TRIO: variants seen among roughly 807,000 people sequenced by gnomAD.
The protein encoded by TRIO is trio Rho guanine nucleotide exchange factor, also known as triple functional domain protein.
TRIO carries 58 observed loss-of-function variants against 351.9 expected under a neutral mutation model. The observed-to-expected ratio is 0.16, with a 90% confidence interval of 0.13 to 0.21. The LOEUF (loss-of-function observed/expected upper bound fraction) is 0.21, where lower values mean the gene tolerates loss of function less well. Ranked by LOEUF, TRIO falls within the 10% of genes least tolerant of loss-of-function variation. TRIO has a pLI of 1.00. For missense variants in TRIO, 3,201 were observed against 4,027.8 expected (o/e 0.79, Z 5.56); for synonymous variants, 1,758 against 1,595.7 (o/e 1.10, Z -2.42).
chr5:14,194,359 T>C (rs1422658629), intron 1 of TRIO, among the ~76,000 whole-genome samples: 5 of 152,242 alleles, frequency 3.3e-5, no homozygotes, highest in Non-Finnish European at 7.3e-5. Flanking sequence ...ATAAGGCTCG[T>C]ATTATGTGAT....
intron 7 of TRIO, among the ~76,000 whole-genome samples, chr5:14,301,360 C>T (rs115039002): frequency 2.6e-5 from 4 of 152,082 alleles, no homozygotes; most frequent in African/African-American, 9.7e-5. Flanking sequence ...TTCATTCTTT[C>T]GCACTCTCCT....
intron 41 of TRIO, 31 bp from the exon 42 acceptor site, chr5:14,479,230 T>C (rs757696378): frequency 1.9e-6 from 3 of 1,576,044 alleles, no homozygotes; most frequent in South Asian, 1.1e-5. Context: ...CCCATTGTTA[T>C]AACCCAACTG....
intron 29 of TRIO, 112 bp from the exon 30 acceptor site, chr5:14,398,768 G>C (rs1430801413): frequency 2.0e-6 from 2 of 1,014,158 alleles, no homozygotes; most frequent in Non-Finnish European, 2.9e-6. Flanking sequence ...CTCTTATCTA[G>C]GGTTGGCCGA....
intron 37 of TRIO, among the ~76,000 whole-genome samples, chr5:14,467,614 G>C (rs944400637): frequency 6.6e-6 from 1 of 152,202 alleles, no homozygotes; most frequent in African/African-American, 2.4e-5. Context: ...CCAGGAGTTC[G>C]AGACCAGCCT....
intron 8 of TRIO, among the ~76,000 whole-genome samples, chr5:14,305,155 C>T (rs908999899): frequency 6.6e-6 from 1 of 152,204 alleles, no homozygotes; most frequent in African/African-American, 2.4e-5. Context: ...CCTGCTGTTC[C>T]TGCTGAAGAA....
chr5:14,234,297 TA>T (rs1166520019), intron 1 of TRIO, among the ~76,000 whole-genome samples: 2 of 152,092 alleles, frequency 1.3e-5, no homozygotes, highest in Non-Finnish European at 2.9e-5. Context: ...GGGCAGTGGA[TA>T]GGGGTGCCGG....
At chr5:14,393,708 G>A (rs957063863) in intron 27 of TRIO, among the ~76,000 whole-genome samples, 1 of 152,134 alleles carries the variant, frequency 6.6e-6, no homozygotes, top group Non-Finnish European at 1.5e-5. Flanking sequence ...AGTTGTAAAG[G>A]AATACAACCT....
intron 34 of TRIO, among the ~76,000 whole-genome samples, chr5:14,445,771 G>T (rs927389983): frequency 6.6e-6 from 1 of 152,212 alleles, no homozygotes; most frequent in Admixed American, 6.5e-5. Flanking sequence ...GTAAGAAGTG[G>T]CCCAAGGGCA....
At chr5:14,384,799 A>T (rs1385094747) in intron 21 of TRIO, among the ~76,000 whole-genome samples, 1 of 152,244 alleles carries the variant, frequency 6.6e-6, no homozygotes, top group Non-Finnish European at 1.5e-5. Flanking sequence ...GTAAAACTTT[A>T]CACAAGACAG....
chr5:14,192,231 C>G (rs1036270953), intron 1 of TRIO, among the ~76,000 whole-genome samples: 1 of 151,864 alleles, frequency 6.6e-6, no homozygotes, highest in Non-Finnish European at 1.5e-5. Context: ...TTTACAAACT[C>G]TTACTTTATT....
intron 28 of TRIO, among the ~76,000 whole-genome samples, chr5:14,394,989 C>A (rs1747436603): frequency 6.6e-6 from 1 of 152,138 alleles, no homozygotes; most frequent in African/African-American, 2.4e-5. Flanking sequence ...GCATTCATCC[C>A]AGTGATGGTA....
intron 1 of TRIO, among the ~76,000 whole-genome samples, chr5:14,187,503 A>G (rs1395476353): frequency 6.6e-6 from 1 of 152,200 alleles, no homozygotes; most frequent in Non-Finnish European, 1.5e-5. Flanking sequence ...ACTCTCAGTC[A>G]GTACCTTTGA....
At chr5:14,254,479 A>G (rs1194258135) in intron 1 of TRIO, among the ~76,000 whole-genome samples, 1 of 152,252 alleles carries the variant, frequency 6.6e-6, no homozygotes, top group African/African-American at 2.4e-5. Flanking sequence ...ATGGAGGACC[A>G]TGATCGCCTT....
intron 1 of TRIO, among the ~76,000 whole-genome samples, chr5:14,269,045 CA>C (rs535424383): frequency 2.6e-5 from 4 of 152,288 alleles, no homozygotes; most frequent in African/African-American, 9.6e-5. Context: ...GGGTTGCCAG[CA>C]CAAAGCATGG....
At chr5:14,205,791 G>A (rs1791421733) in intron 1 of TRIO, among the ~76,000 whole-genome samples, 1 of 152,168 alleles carries the variant, frequency 6.6e-6, no homozygotes, top group African/African-American at 2.4e-5. Context: ...GGAGTGCAGT[G>A]GCACGCTCTC....
chr5:14,206,317 T>G (rs1278460903), intron 1 of TRIO, among the ~76,000 whole-genome samples: 1 of 152,200 alleles, frequency 6.6e-6, no homozygotes, highest in Non-Finnish European at 1.5e-5. Flanking sequence ...TGCCTAGGCC[T>G]CCCAAAATGT....
rs755124803 is a variant in TRIO, at chr5:14,497,973, G to A, written c.8047+99G>A. 2.4e-5 allele frequency: 38 copies of A among 1,609,698 alleles called. No homozygotes were observed. Among genetic ancestry groups the A allele is most frequent in the African/African-American group, 5.4e-5 (4 of 74,724 alleles). On this transcript the variant is annotated intron_variant, in intron 51 of 56. Coordinates refer to ENST00000344204, the MANE Select transcript of TRIO (RefSeq NM_007118.4). This position sits in a 1 kb window ranked among gnomAD's most constrained non-coding sequence, Gnocchi z 4.4. ...TGTGGCCTCTGGAAATGAGTTTTCC[G>A]TGGCGCTCTAGGCGTGCATAGCAGG...
At chr5:14,287,161 TA>T in intron 4 of TRIO, 98 bp downstream of exon 4, 1 of 1,174,562 alleles carries the variant, frequency 8.5e-7, no homozygotes, top group Non-Finnish European at 1.2e-6. Context: ...AACCACATAT[TA>T]AACAGGAGCT....
rs575017203 is a variant in TRIO, at chr5:14,370,103, TTTTCTTTCTTTC to T, written c.3216+592_3216+603del. ...AGGAATTTTTCAAGACTGCTTTTTC[TTTTCTTTCTTTC>T]TTTCTTTCTTTTTTTTTTTTTAATT... On this transcript the variant is annotated intron_variant, in intron 18 of 56. Transcript: ENST00000344204. 4.0e-5 allele frequency among the ~76,000 whole-genome samples: 6 copies of T among 151,712 alleles called. No individual in the cohort carries two copies. The East Asian group carries it at 5.8e-4, about 15-fold the overall frequency.
Sources: allele counts gnomAD v4.1 joint callset (sites outside exome capture counted in the v4.1 genomes callset), GRCh38; gene constraint gnomAD v4.1.1; non-coding constraint Gnocchi (gnomAD v3.1); transcripts MANE v1.5; gene names NCBI Gene and HGNC (gene_info 2026-07-23, HGNC 2026-07-21).